LONP2: variants seen among roughly 807,000 people sequenced by gnomAD.
The protein encoded by LONP2 is lon peptidase 2, peroxisomal.
Under a neutral mutation model 85.6 loss-of-function variants are expected in LONP2, and 60 were observed. The observed-to-expected ratio is 0.70, with a 90% CI of 0.57 to 0.87. The LOEUF (loss-of-function observed/expected upper bound fraction) is 0.87. LONP2 is among the 40% of genes least tolerant of loss of function. The pLI is 0.00. For missense variants in LONP2, 860 were observed against 1,063.5 expected, an observed-to-expected ratio of 0.81 and a Z score of 2.66; for synonymous variants, 395 against 389.7, an observed-to-expected ratio of 1.01 and a Z score of -0.16.
In LONP2 at chr16:48,352,778, C is replaced by T. The variant is rs1011253637; in HGVS notation, c.*976C>T. On this transcript the variant is annotated 3_prime_UTR_variant, in exon 15 of 15. Coordinates refer to ENST00000285737, the MANE Select transcript of LONP2 (RefSeq NM_031490.5). The stretch of plus-strand genomic sequence containing the variant: ...TGCTGGCACACCTCACAGAAGCACC[C>T]TGGCCCTGGATGCCTGCAACCTCAG... 5 of 152,356 alleles carry T rather than the reference C, an allele frequency of 3.3e-5. No homozygotes were observed. The highest frequency in any genetic ancestry group is 1.2e-4 in the African/African-American group (5 of 41,448). 9.4% of individuals were successfully genotyped at this position (152,356 alleles called of 1,614,324 possible). A position where few individuals can be genotyped will look rare whatever the true frequency, so the allele number is the denominator to read the frequency against.
At chr16:48,295,338 C>T (rs1216225233) in intron 8 of LONP2, among the ~76,000 whole-genome samples, 1 of 152,160 alleles carries the variant, frequency 6.6e-6, no homozygotes, top group African/African-American at 2.4e-5. Context: ...TGCCACTGCA[C>T]TCCAACCTGG....
At chr16:48,298,543 T>G (rs995731340) in intron 9 of LONP2, among the ~76,000 whole-genome samples, 8 of 151,938 alleles carry the variant, frequency 5.3e-5, no homozygotes, top group Non-Finnish European at 7.4e-5. Context: ...TTTCTTTTGC[T>G]GCTACAATTT....
intron 12 of LONP2, among the ~76,000 whole-genome samples, chr16:48,346,439 G>A (rs372940058): frequency 2.7e-4 from 41 of 152,224 alleles, no homozygotes; most frequent in East Asian, 2.1e-3. Flanking sequence ...CCTAGTCTCA[G>A]GTGACAACAT....
chr16:48,297,301 A>C (rs1972694272), intron 9 of LONP2, among the ~76,000 whole-genome samples: 1 of 151,506 alleles, frequency 6.6e-6, no homozygotes, highest in African/African-American at 2.4e-5. Flanking sequence ...TCCAGCCTAA[A>C]TGTCTTTTAC....
At chr16:48,341,601 A>G (rs905414607) in intron 12 of LONP2, among the ~76,000 whole-genome samples, 16 of 152,160 alleles carry the variant, frequency 1.1e-4, no homozygotes, top group Non-Finnish European at 4.4e-5. Context: ...TGAGGATTAT[A>G]GTTCAACATG....
At chr16:48,334,673 ATGT>A (rs1276464263) in intron 12 of LONP2, 3 of 583,882 alleles carry the variant, frequency 5.1e-6, no homozygotes, top group African/African-American at 3.7e-5. Flanking sequence ...CTCTTTCTGG[ATGT>A]TGTAGTCTAA....
At chr16:48,279,101 A>G (rs995275951) in intron 8 of LONP2, among the ~76,000 whole-genome samples, 2 of 152,148 alleles carry the variant, frequency 1.3e-5, no homozygotes, top group Non-Finnish European at 2.9e-5. Context: ...TTAAAATTTT[A>G]CTTCTCTGAC....
chr16:48,262,750 A>G (rs749190919), intron 5 of LONP2, 28 bp from the exon 6 acceptor site: 2 of 1,412,164 alleles, frequency 1.4e-6, no homozygotes, highest in South Asian at 1.2e-5. Context: ...GTTCTTGAAC[A>G]TGTTTGCTGT....
intron 13 of LONP2, 70 bp from the exon 14 acceptor site, chr16:48,348,029 AC>A (rs1489188373): frequency 5.8e-6 from 8 of 1,373,864 alleles, no homozygotes; most frequent in Non-Finnish European, 8.0e-6. Context: ...TTTGTTTGTG[AC>A]TTTTTTTTTA....
chr16:48,261,718 G>A, intron 5 of LONP2, 131 bp downstream of exon 5: 1 of 621,114 alleles, frequency 1.6e-6, no homozygotes, highest in Non-Finnish European at 2.6e-6. Context: ...TGTGCTGTCA[G>A]GCAATATAAC....
intron 11 of LONP2, among the ~76,000 whole-genome samples, chr16:48,316,207 G>C (rs1025461339): frequency 2.0e-5 from 3 of 149,616 alleles, no homozygotes; most frequent in Non-Finnish European, 3.0e-5. Flanking sequence ...GGGTTTCACC[G>C]TGTTGGCCAG....
chr16:48,348,018 TTTTG>T (rs1960022564), intron 13 of LONP2, 78 bp from the exon 14 acceptor site: 8 of 1,309,904 alleles, frequency 6.1e-6, no homozygotes, highest in South Asian at 1.3e-5. Context: ...AAACATTCAT[TTTTG>T]TTTGTGACTT....
At chr16:48,310,572 G>T (rs189787253) in intron 11 of LONP2, among the ~76,000 whole-genome samples, 1 of 152,128 alleles carries the variant, frequency 6.6e-6, no homozygotes, top group East Asian at 1.9e-4. Flanking sequence ...GGCTGGTCTC[G>T]AACTCCTGAC....
At chr16:48,313,670 A>G (rs1973081583) in intron 11 of LONP2, among the ~76,000 whole-genome samples, 1 of 152,098 alleles carries the variant, frequency 6.6e-6, no homozygotes, top group African/African-American at 2.4e-5. Context: ...GTTCCTTTTT[A>G]TGGCTGCATA....
chr16:48,251,946 T>G (rs1183441843), intron 1 of LONP2, among the ~76,000 whole-genome samples, 185 bp from the exon 2 acceptor site: 9 of 152,206 alleles, frequency 5.9e-5, no homozygotes, highest in Non-Finnish European at 1.0e-4. Flanking sequence ...TGCTTTGCCA[T>G]ATAGCTGAGG....
intron 11 of LONP2, among the ~76,000 whole-genome samples, chr16:48,308,628 C>CA (rs545067276): frequency 0.23 from 15,787 of 68,528 alleles, 1,552 homozygotes; most frequent in African/African-American, 0.39. Context: ...GACTCTGTCT[C>CA]AAAAAAAAAA....
chr16:48,300,532 C>T (rs1596963198), intron 10 of LONP2, among the ~76,000 whole-genome samples: 3 of 152,214 alleles, frequency 2.0e-5, no homozygotes, highest in Non-Finnish European at 4.4e-5. Context: ...TGTCAGGCTG[C>T]CAAGCTCTCC....
At chr16:48,284,500 C>A (rs1270635773) in intron 8 of LONP2, among the ~76,000 whole-genome samples, 2 of 152,140 alleles carry the variant, frequency 1.3e-5, no homozygotes, top group African/African-American at 4.8e-5. Flanking sequence ...CAGTCATCAA[C>A]CATTAATATT....
intron 8 of LONP2, among the ~76,000 whole-genome samples, chr16:48,294,633 G>C (rs1972629468): frequency 6.6e-6 from 1 of 152,062 alleles, no homozygotes; most frequent in Admixed American, 6.6e-5. Flanking sequence ...AGGTGGGGTG[G>C]TACGCACCTG....
Sources: gnomAD v4.1 joint callset for allele counts (sites outside exome capture counted in the v4.1 genomes callset) on GRCh38, gnomAD v4.1.1 for gene constraint, MANE v1.5 for transcripts, NCBI Gene and HGNC (gene_info 2026-07-23, HGNC 2026-07-21) for gene names.